CNTNAP2: variants seen among roughly 807,000 people sequenced by gnomAD.
CNTNAP2 encodes the protein contactin-associated protein-like 2.
Under a neutral mutation model 155.2 loss-of-function variants are expected in CNTNAP2, and 98 were observed. That is an observed-to-expected ratio of 0.63 (90% CI 0.54 to 0.75). The LOEUF is 0.75. Among genes scored for constraint, CNTNAP2 ranks in the 30% least tolerant of loss-of-function variants. The probability of loss-of-function intolerance (pLI) is 0.00; values close to 1 mark genes in which losing one functional copy is unlikely to be tolerated. For synonymous variants in CNTNAP2, 651 were observed against 631.2 expected (o/e 1.03, Z -0.47); for missense variants, 1,727 against 1,688.1 (o/e 1.02, Z -0.40).
chr7:148,177,718 C>T (rs1444488956), intron 18 of CNTNAP2, among the ~76,000 whole-genome samples: 2 of 152,146 alleles, frequency 1.3e-5, no homozygotes, highest in African/African-American at 4.8e-5. Context: ...TAGCCTGCCC[C>T]AAGGTTCACA....
At position 146,774,387 on chromosome 7, in the gene CNTNAP2, C is replaced by T; in HGVS notation, c.208+6C>T. 6.3e-7 allele frequency: 1 copy of T among 1,595,716 alleles called. No individual in the cohort carries two copies. Among genetic ancestry groups the T allele is most frequent in the South Asian group, 1.1e-5 (1 of 90,584 alleles). ...CAAGATAAACAAGAGAGGAGGTAAG[C>T]CAAATTTTGATTCTTTTATCAATAA... On this transcript the variant is annotated splice_donor_region_variant and intron_variant, in intron 2 of 23. Coordinates refer to ENST00000361727, the MANE Select transcript of CNTNAP2 (RefSeq NM_014141.6).
At chr7:146,693,592 A>C (rs1002296772) in intron 1 of CNTNAP2, among the ~76,000 whole-genome samples, 1 of 152,164 alleles carries the variant, frequency 6.6e-6, no homozygotes, top group Admixed American at 6.6e-5. Flanking sequence ...TTATACCTTG[A>C]CAAGTAATCT....
chr7:147,925,320 ACACACACACACAGCTTTCCCC>A (rs1800377740), intron 14 of CNTNAP2, among the ~76,000 whole-genome samples: 1 of 143,226 alleles, frequency 7.0e-6, no homozygotes, highest in African/African-American at 2.5e-5. Context: ...ACACACACAC[ACACACACACACAGCTTTCCCC>A]CATGATCATT....
chr7:147,683,408 T>C (rs1011444065), intron 13 of CNTNAP2, among the ~76,000 whole-genome samples: 17 of 151,872 alleles, frequency 1.1e-4, no homozygotes, highest in African/African-American at 3.6e-4. Flanking sequence ...AAATACCTGA[T>C]AAGATAAGTT....
At chr7:148,024,443 A>G (rs889143237) in intron 15 of CNTNAP2, among the ~76,000 whole-genome samples, 3 of 152,182 alleles carry the variant, frequency 2.0e-5, no homozygotes, top group Non-Finnish European at 4.4e-5. Context: ...AGTGTCTCCA[A>G]ATGTTTCAGC....
intron 8 of CNTNAP2, among the ~76,000 whole-genome samples, chr7:147,232,387 C>T (rs538915046): frequency 2.0e-5 from 3 of 152,276 alleles, no homozygotes; most frequent in Admixed American, 6.5e-5. Flanking sequence ...ACAGCCAAAA[C>T]GCTCCTGGGA....
At chr7:146,633,278 G>C (rs988697439) in intron 1 of CNTNAP2, among the ~76,000 whole-genome samples, 2 of 152,134 alleles carry the variant, frequency 1.3e-5, no homozygotes, top group East Asian at 3.9e-4. Context: ...TTTTGCCCTA[G>C]AGGCTTGCCC....
chr7:148,362,771 C>G (rs1798650480), intron 21 of CNTNAP2, among the ~76,000 whole-genome samples: 1 of 152,172 alleles, frequency 6.6e-6, no homozygotes, highest in Non-Finnish European at 1.5e-5. Context: ...GGAGGATCCA[C>G]TCTCACTCCA....
At chr7:147,952,505 T>C (rs1436326089) in intron 14 of CNTNAP2, among the ~76,000 whole-genome samples, 1 of 152,030 alleles carries the variant, frequency 6.6e-6, no homozygotes, top group African/African-American at 2.4e-5. Context: ...AATCATAGTA[T>C]TTTGGCACAT....
chr7:146,128,822 G>C (rs1289725788), intron 1 of CNTNAP2, among the ~76,000 whole-genome samples: 1 of 152,082 alleles, frequency 6.6e-6, no homozygotes, highest in Middle Eastern at 3.5e-3. Context: ...TATTATAATT[G>C]TAATATAATG....
chr7:147,259,380 G>C (rs1472475019), intron 8 of CNTNAP2, among the ~76,000 whole-genome samples: 1 of 152,038 alleles, frequency 6.6e-6, no homozygotes, highest in African/African-American at 2.4e-5. Flanking sequence ...TAATATTAAT[G>C]GGTCTTCTGT....
intron 1 of CNTNAP2, among the ~76,000 whole-genome samples, chr7:146,582,080 C>T (rs1798620319): frequency 6.6e-6 from 1 of 152,080 alleles, no homozygotes; most frequent in Non-Finnish European, 1.5e-5. Flanking sequence ...CTTTCTAGAA[C>T]TCTAGTGAAA....
intron 1 of CNTNAP2, among the ~76,000 whole-genome samples, chr7:146,546,554 G>C (rs1250355275): frequency 6.6e-6 from 1 of 151,690 alleles, no homozygotes; most frequent in Non-Finnish European, 1.5e-5. Flanking sequence ...CTTTCTACTT[G>C]GTACCATCTA....
At chr7:146,315,100 G>A (rs552056312) in intron 1 of CNTNAP2, among the ~76,000 whole-genome samples, 11 of 152,210 alleles carry the variant, frequency 7.2e-5, no homozygotes, top group African/African-American at 2.6e-4. Context: ...TTATTGCTTT[G>A]TAGGCTCCCA....
chr7:146,624,155 G>A (rs1472281163), intron 1 of CNTNAP2, among the ~76,000 whole-genome samples: 3 of 151,596 alleles, frequency 2.0e-5, no homozygotes, highest in Non-Finnish European at 4.4e-5. Flanking sequence ...TATTTAATTT[G>A]GATATATGTA....
chr7:148,115,064 G>A (rs1342125715), intron 15 of CNTNAP2, among the ~76,000 whole-genome samples: 2 of 152,228 alleles, frequency 1.3e-5, no homozygotes, highest in East Asian at 3.9e-4. Flanking sequence ...TTCCAGGATA[G>A]TGGGAAAAAC....
At chr7:147,305,609 C>A (rs1795013172) in intron 9 of CNTNAP2, among the ~76,000 whole-genome samples, 1 of 151,952 alleles carries the variant, frequency 6.6e-6, no homozygotes, top group African/African-American at 2.4e-5. Flanking sequence ...ATTGTTCTCC[C>A]AAAAAGAAAA....
chr7:146,895,241 C>A (rs1274794635), intron 3 of CNTNAP2, among the ~76,000 whole-genome samples: 1 of 146,866 alleles, frequency 6.8e-6, no homozygotes, highest in Non-Finnish European at 1.5e-5. Context: ...TTTTTCTTTC[C>A]TTCCTTATTC....
At chr7:146,837,934 G>A (rs1448016182) in intron 2 of CNTNAP2, among the ~76,000 whole-genome samples, 2 of 152,136 alleles carry the variant, frequency 1.3e-5, no homozygotes, top group African/African-American at 4.8e-5. Context: ...GTTGACTTCA[G>A]AACTCCCTTT....
Sources: allele counts gnomAD v4.1 joint callset (sites outside exome capture counted in the v4.1 genomes callset), GRCh38; gene constraint gnomAD v4.1.1; transcripts MANE v1.5; gene names NCBI Gene and HGNC (gene_info 2026-07-23, HGNC 2026-07-21).